The following MYO3B variants were observed in gnomAD, a reference collection of about 807,000 sequenced individuals.
MYO3B encodes the protein myosin-IIIb.
MYO3B carries 156 observed loss-of-function variants against 174.6 expected under a neutral mutation model. The ratio of observed to expected loss-of-function variants is 0.89; its 90% CI spans 0.78 to 1.02. MYO3B has a LOEUF of 1.02. Ranked by LOEUF, MYO3B falls within the 50% of genes least tolerant of loss-of-function variation. The pLI is 0.00. For synonymous variants in MYO3B, 563 were observed against 569.1 expected (o/e 0.99, Z 0.15); for missense variants, 1,632 against 1,639.4 (o/e 1.00, Z 0.08).
rs564195998 is a variant in MYO3B, at chr2:170,517,164, G to T, written c.3472+2142G>T. Among the ~76,000 whole-genome samples the T allele has an allele frequency of 2.6e-5, 4 of 152,348 alleles. No homozygotes were observed. The South Asian group carries it at 8.3e-4, about 32-fold the overall frequency. The stretch of plus-strand genomic sequence containing the variant: ...TCCCTGTTCTTCAGCAAAGCTGGGG[G>T]ATGGAGGAGCAGATTCCTTCTAAGC... On this transcript the variant is annotated intron_variant, in intron 29 of 34. Transcript: ENST00000408978.
intron 7 of MYO3B, among the ~76,000 whole-genome samples, chr2:170,285,501 C>A (rs545946235): frequency 6.6e-6 from 1 of 152,034 alleles, no homozygotes; most frequent in African/African-American, 2.4e-5. Context: ...GCTGGGACTA[C>A]AGGCATGTGC....
chr2:170,214,414 AG>A lies in MYO3B; in HGVS notation c.359del (p.Gly120ValfsTer13). The A allele has an allele frequency of 6.2e-7, 1 of 1,614,146 alleles. No homozygotes were observed. The highest frequency in any genetic ancestry group is 1.7e-5 in the Admixed American group (1 of 60,024). ...GGGGCTCAGTCACTGAGCTTGTCAA[AG>A]GTCTACTCAGATGTGGCCAGCGGTT... ...NGGSVTELVKGLLRCGQRLDE... is the reference protein window; with the variant it reads ...NGGSVTELVKXLLRCGQRLDE... On this transcript the variant is annotated frameshift_variant, in exon 4 of 35. Coordinates refer to ENST00000408978, the MANE Select transcript of MYO3B (RefSeq NM_138995.5). LOFTEE classifies it high-confidence loss of function.
At chr2:170,562,359 T>G (rs75849329) in intron 32 of MYO3B, among the ~76,000 whole-genome samples, 2,657 of 152,324 alleles carry the variant, frequency 0.017, 65 homozygotes, top group East Asian at 0.088. Flanking sequence ...TAGTTCCAGA[T>G]ATCTCAGATA....
intron 7 of MYO3B, among the ~76,000 whole-genome samples, chr2:170,246,275 T>C (rs2093188197): frequency 6.6e-6 from 1 of 152,128 alleles, no homozygotes; most frequent in Non-Finnish European, 1.5e-5. Flanking sequence ...TCAATGGAAG[T>C]GTGTTGCACA....
chr2:170,198,112 G>GT (rs10571296), intron 1 of MYO3B, among the ~76,000 whole-genome samples: 17 of 143,312 alleles, frequency 1.2e-4, no homozygotes, highest in Admixed American at 2.1e-4. Context: ...TCTCCTTTGG[G>GT]TTTTTTTTTT....
chr2:170,404,528 CT>C, intron 20 of MYO3B, 128 bp downstream of exon 20: 1 of 864,322 alleles, frequency 1.2e-6, no homozygotes, highest in Middle Eastern at 2.5e-4. Context: ...GAATATAGGC[CT>C]TCTTTTTCAT....
intron 30 of MYO3B, among the ~76,000 whole-genome samples, chr2:170,538,384 A>G (rs759681507): frequency 1.3e-5 from 2 of 152,212 alleles, no homozygotes; most frequent in Non-Finnish European, 2.9e-5. Flanking sequence ...CCCCAAAATC[A>G]TCATCCCTCA....
chr2:170,321,173 GC>G (rs1451212253), intron 7 of MYO3B, among the ~76,000 whole-genome samples: 1 of 152,098 alleles, frequency 6.6e-6, no homozygotes, highest in Admixed American at 6.5e-5. Flanking sequence ...GGGATTAGAG[GC>G]AAATTCATAG....
chr2:170,221,062 C>G (rs148595190), intron 6 of MYO3B, among the ~76,000 whole-genome samples: 11 of 152,264 alleles, frequency 7.2e-5, no homozygotes, highest in Non-Finnish European at 1.3e-4. Flanking sequence ...TTTATATTGT[C>G]CATCTGAGCA....
intron 7 of MYO3B, among the ~76,000 whole-genome samples, chr2:170,253,478 G>A (rs751401977): frequency 6.6e-6 from 1 of 152,154 alleles, no homozygotes; most frequent in Non-Finnish European, 1.5e-5. Context: ...TCATCTGAGT[G>A]GTGACATTGA....
chr2:170,382,545 A>G, intron 10 of MYO3B: 2 of 171,156 alleles, frequency 1.2e-5, no homozygotes, highest in Admixed American at 1.1e-4. Flanking sequence ...TAAAATATGC[A>G]TGTTTAATAG....
chr2:170,332,087 G>A (rs1258575528), intron 7 of MYO3B: 3 of 152,214 alleles, frequency 2.0e-5, no homozygotes, highest in African/African-American at 4.8e-5. Context: ...ACATCTTTGA[G>A]GGAGCCATTA....
At chr2:170,500,157 G>A (rs765054114) in intron 27 of MYO3B, among the ~76,000 whole-genome samples, 1 of 152,100 alleles carries the variant, frequency 6.6e-6, no homozygotes, top group Non-Finnish European at 1.5e-5. Flanking sequence ...CAGGTTAACA[G>A]GAGAAAAGAC....
chr2:170,250,816 C>A (rs72887555), intron 7 of MYO3B, among the ~76,000 whole-genome samples: 6,537 of 152,020 alleles, frequency 0.043, 236 homozygotes, highest in South Asian at 0.18. Context: ...AGATGATATT[C>A]CCCTGGAGTT....
At chr2:170,428,268 C>T (rs2094681033) in intron 22 of MYO3B, among the ~76,000 whole-genome samples, 1 of 152,182 alleles carries the variant, frequency 6.6e-6, no homozygotes, top group African/African-American at 2.4e-5. Context: ...ATCTAAGCTT[C>T]CTCCATTTAT....
chr2:170,594,141 C>T (rs1334343436), intron 32 of MYO3B, among the ~76,000 whole-genome samples: 1 of 152,160 alleles, frequency 6.6e-6, no homozygotes, highest in Non-Finnish European at 1.5e-5. Flanking sequence ...AATCAACTAT[C>T]TCCCTGATCA....
intron 32 of MYO3B, among the ~76,000 whole-genome samples, chr2:170,581,063 C>T (rs73029099): frequency 0.054 from 8,155 of 152,180 alleles, 782 homozygotes; most frequent in East Asian, 0.41. Flanking sequence ...CTAAGCCACA[C>T]AGGATGCACA....
intron 7 of MYO3B, among the ~76,000 whole-genome samples, chr2:170,298,905 A>G (rs2105438268): frequency 6.6e-6 from 1 of 152,230 alleles, no homozygotes; most frequent in African/African-American, 2.4e-5. Flanking sequence ...AGATACATAA[A>G]TACTATTGTG....
intron 25 of MYO3B, among the ~76,000 whole-genome samples, chr2:170,480,198 C>T (rs1685600900): frequency 4.6e-5 from 7 of 152,146 alleles, no homozygotes; most frequent in Admixed American, 2.0e-4. Context: ...GAAACAGAAT[C>T]CTTCTGCCCT....
Sources: allele counts gnomAD v4.1 joint callset (sites outside exome capture counted in the v4.1 genomes callset), GRCh38; gene constraint gnomAD v4.1.1; transcripts MANE v1.5; gene names NCBI Gene and HGNC (gene_info 2026-07-23, HGNC 2026-07-21).